Variants in SENP3 observed in about 807,000 individuals in gnomAD.
SENP3 encodes sentrin-specific protease 3.
In SENP3, 11 loss-of-function variants were observed where a neutral mutation model predicts 66.2. That is an observed-to-expected ratio of 0.17 (90% CI 0.10 to 0.28). The LOEUF is 0.28. SENP3 is among the 10% of genes least tolerant of loss of function. The pLI is 1.00. For missense variants in SENP3, 548 were observed against 743.7 expected (o/e 0.74, Z 3.06); for synonymous variants, 292 against 277.6 (o/e 1.05, Z -0.52).
At position 7,571,667 on chromosome 17, in the gene SENP3, G is replaced by A; in HGVS notation, c.*184G>A. 2.0e-6 allele frequency: 1 copy of A among 512,566 alleles called. No individual in the cohort carries two copies. Among genetic ancestry groups the A allele is most frequent in the Non-Finnish European group, 3.5e-6 (1 of 286,136 alleles). The allele number at this position is 512,566 out of a possible 1,614,324, so 31.8% of individuals were successfully genotyped here. On this transcript the variant is annotated 3_prime_UTR_variant, in exon 11 of 11. Coordinates refer to ENST00000321337, the MANE Select transcript of SENP3 (RefSeq NM_015670.6). ...GAGAATACTTGTTGATTTCTGATGT[G>A]CAGGGGGTGGCTACAGAAAAGCCCC...
chr17:7,568,514 G>T (rs947872596), intron 7 of SENP3, among the ~76,000 whole-genome samples: 1 of 152,122 alleles, frequency 6.6e-6, no homozygotes, highest in African/African-American at 2.4e-5. Context: ...GCTTGAACCC[G>T]GGAGGCAGAG....
rs770430582 is a variant in SENP3 at position 7,565,467 on chromosome 17, G to A, written c.1095G>A (p.Gln365=). The A allele has an allele frequency of 3.1e-6, 5 of 1,613,822 alleles. No homozygotes were observed. Among genetic ancestry groups the A allele is most frequent in the South Asian group, 1.1e-5 (1 of 91,002 alleles). The change falls in exon 5 of 11, where the codon CAG becomes CAA. Residue 365 remains glutamine (Q), a synonymous_variant. Coordinates refer to ENST00000321337, the MANE Select transcript of SENP3 (RefSeq NM_015670.6). ...AGGGCCTGGTGTTGCAGCTGATCCA[G>A]TCTTACCAGCGGATGCCAGGCAATG... is the stretch of plus-strand genomic sequence containing the variant. The part of the protein sequence containing the change: ...SRKGLVLQLI[Q]SYQRMPGNAM...
At chr17:7,564,153 C>T (rs923600515) in intron 2 of SENP3, among the ~76,000 whole-genome samples, 1 of 152,176 alleles carries the variant, frequency 6.6e-6, no homozygotes, top group Non-Finnish European at 1.5e-5. Context: ...CAGAGGGTAC[C>T]ATTCCCAAAG....
At chr17:7,567,051 G>T in intron 7 of SENP3, 47 bp downstream of exon 7, 1 of 1,212,324 alleles carries the variant, frequency 8.2e-7, no homozygotes, top group South Asian at 1.3e-5. Context: ...TGCCTCTAAA[G>T]AATGAGAGTC....
At position 7,570,057 on chromosome 17, in the gene SENP3, C is replaced by T. The variant is rs189002157; in HGVS notation, c.1342-299C>T. 4.5e-4 allele frequency among the ~76,000 whole-genome samples: 69 copies of T among 152,302 alleles called. No homozygotes were observed. The East Asian group carries it at 0.011, about 25-fold the overall frequency. ...AGCTGTATTTGAATTCTGGCAGGCT[C>T]CAGAATCCTGGGCCTGGGTTCTTAG... On this transcript the variant is annotated intron_variant, in intron 7 of 10. Transcript: ENST00000321337. This position sits in a 1 kb window ranked among gnomAD's most constrained non-coding sequence, Gnocchi z 5.4.
chr17:7,566,342 CAAAAA>C (rs753219905), intron 6 of SENP3, among the ~76,000 whole-genome samples: 2 of 101,944 alleles, frequency 2.0e-5, no homozygotes, highest in Non-Finnish European at 4.0e-5. Flanking sequence ...AATTCTGTCT[CAAAAA>C]AAAAAAAAAA....
intron 7 of SENP3, among the ~76,000 whole-genome samples, chr17:7,569,379 C>T (rs187566077): frequency 4.5e-3 from 170 of 38,074 alleles, no homozygotes; most frequent in African/African-American, 0.011. Context: ...AGCAAGACTC[C>T]GTCTCAAAAA....
chr17:7,568,107 G>A (rs1220684784), intron 7 of SENP3, among the ~76,000 whole-genome samples: 2 of 151,090 alleles, frequency 1.3e-5, no homozygotes, highest in African/African-American at 4.9e-5. Flanking sequence ...AAAATCCTTG[G>A]AATCTCCAGT....
At position 7,565,495 on chromosome 17, in the gene SENP3, A is replaced by G. The variant is rs1368957349; in HGVS notation, c.1123A>G (p.Met375Val). 3.1e-6 allele frequency: 5 copies of G among 1,613,782 alleles called. No homozygotes were observed. In the South Asian group the frequency reaches 3.3e-5, roughly 11 times the overall value. Reference sequence around the variant, plus strand: ...TTACCAGCGGATGCCAGGCAATGCCATGGTGAGGGGCTTCCGAGTGGCTTA... The same window carrying G: ...TTACCAGCGGATGCCAGGCAATGCCGTGGTGAGGGGCTTCCGAGTGGCTTA... ...QSYQRMPGNA[M>V]VRGFRVAYKR... Residue 375 changes from methionine to valine, a missense_variant, in exon 5 of 11, where the codon ATG becomes GTG. By Grantham distance (21) the Met-to-Val change is conservative. Transcript: ENST00000321337.
intron 7 of SENP3, among the ~76,000 whole-genome samples, chr17:7,567,802 A>G (rs1415824036): frequency 1.3e-5 from 2 of 151,996 alleles, no homozygotes; most frequent in Admixed American, 6.6e-5. Context: ...TAGGCTGAGG[A>G]GGGGGGATTT....
chr17:7,567,802 A>AG (rs1336552456), intron 7 of SENP3, among the ~76,000 whole-genome samples: 1 of 151,996 alleles, frequency 6.6e-6, no homozygotes, highest in Non-Finnish European at 1.5e-5. Flanking sequence ...TAGGCTGAGG[A>AG]GGGGGGATTT....
chr17:7,571,871 AT>A lies in SENP3; in HGVS notation c.*389del, dbSNP rs1567731358. On this transcript the variant is annotated 3_prime_UTR_variant, in exon 11 of 11. Coordinates refer to ENST00000321337, the MANE Select transcript of SENP3 (RefSeq NM_015670.6). ...TATATATATATATATATATATATAT[AT>A]ATATATATATATATATATATATATA... 290 of 9,912 alleles carry A rather than the reference AT, an allele frequency of 0.029. 62 individuals carry two copies. The highest frequency in any genetic ancestry group is 0.068 in the African/African-American group (233 of 3,416). The allele number at this position is 9,912 out of a possible 1,614,324, so 0.6% of individuals were successfully genotyped here.
At chr17:7,564,896 C>A in intron 3 of SENP3, 32 bp downstream of exon 3, 2 of 1,602,922 alleles carry the variant, frequency 1.2e-6, no homozygotes, top group Non-Finnish European at 1.7e-6. Context: ...AGCCTCTCTC[C>A]CTTCTCCGAC....
At chr17:7,566,426 C>T (rs1042717438) in intron 6 of SENP3, among the ~76,000 whole-genome samples, 4 of 151,864 alleles carry the variant, frequency 2.6e-5, no homozygotes, top group Non-Finnish European at 1.5e-5. Context: ...GAGGCCAAGG[C>T]GGGTGGATCA....
Position 7,563,456 on chromosome 17 carries a change from G to A in SENP3, c.380G>A (p.Arg127His), listed in dbSNP as rs780025968. ...THRKTCSQRRRRAMRAFRMLL... is the reference protein window; with the variant it reads ...THRKTCSQRRHRAMRAFRMLL... ...CGAAAAACCTGCTCACAGCGCCGCC[G>A]CCGAGCCATGAGAGCCTTCCGGATG... The change falls in exon 2 of 11, where the codon CGC (arginine) becomes CAC (histidine). Residue 127 changes from arginine (R) to histidine (H), a missense_variant. By Grantham distance (29) the Arg-to-His change is conservative. This residue lies in a region of SENP3 where 164 missense variants were observed against 167.9 expected (regional missense o/e 0.98). Coordinates refer to ENST00000321337, the MANE Select transcript of SENP3 (RefSeq NM_015670.6). 7 of 1,267,458 alleles carry A rather than the reference G, an allele frequency of 5.5e-6. No homozygotes were observed. The highest frequency in any genetic ancestry group is 1.6e-5 in the African/African-American group (1 of 61,658). 78.5% of individuals were successfully genotyped at this position (1,267,458 alleles called of 1,614,324 possible).
chr17:7,564,680 G>T lies in SENP3; in HGVS notation c.771G>T (p.Gly257=). The T allele has an allele frequency of 6.2e-7, 1 of 1,614,030 alleles. No homozygotes were observed. The highest frequency in any genetic ancestry group is 1.1e-5 in the South Asian group (1 of 91,088). The change falls in exon 3 of 11, where the codon GGG becomes GGT. Residue 257 remains glycine, a synonymous_variant. Transcript: ENST00000321337. ...NGFGGQSGPE[G]ERSLAPPDAS... is the part of the protein sequence containing the mutation. The stretch of plus-strand genomic sequence containing the variant: ...TTGGGGGACAATCTGGGCCAGAAGG[G>T]GAGCGCAGCTTGGCACCCCCTGATG...
chr17:7,570,264 C>A lies in SENP3; in HGVS notation c.1342-92C>A, dbSNP rs2071302327. ...GGTCTTCTGTTCTTTCACTTGGTTC[C>A]CTTACCTGTGTCTCTGTTCCTCTCT... is the stretch of plus-strand genomic sequence containing the variant. On this transcript the variant is annotated intron_variant, in intron 7 of 10. Coordinates refer to ENST00000321337, the MANE Select transcript of SENP3 (RefSeq NM_015670.6). This position sits in a 1 kb window ranked among gnomAD's most constrained non-coding sequence, Gnocchi z 5.4. 1 of 1,482,580 alleles carries A rather than the reference C, an allele frequency of 6.7e-7. No homozygotes were observed. The allele number at this position is 1,482,580 out of a possible 1,614,324, so 91.8% of individuals were successfully genotyped here.
chr17:7,569,610 T>C (rs1207791877), intron 7 of SENP3, among the ~76,000 whole-genome samples: 3 of 152,148 alleles, frequency 2.0e-5, no homozygotes, highest in African/African-American at 7.2e-5. Context: ...GGCTCCGGCA[T>C]TCCTTAATTT....
At chr17:7,565,951 C>G in intron 6 of SENP3, 187 bp downstream of exon 6, 1 of 575,726 alleles carries the variant, frequency 1.7e-6, no homozygotes, top group Non-Finnish European at 3.1e-6. Context: ...GTTTTCCTTT[C>G]TGCCAGTATT....
Sources: allele counts gnomAD v4.1 joint callset (sites outside exome capture counted in the v4.1 genomes callset), GRCh38; gene constraint gnomAD v4.1.1; regional missense constraint gnomAD v4.1.1; non-coding constraint Gnocchi (gnomAD v3.1); transcripts MANE v1.5; gene names NCBI Gene and HGNC (gene_info 2026-07-23, HGNC 2026-07-21).